ARMC9: variants seen among roughly 807,000 people sequenced by gnomAD.
ARMC9 encodes armadillo repeat containing 9.
A neutral mutation model predicts 107.0 loss-of-function variants in ARMC9; 94 were observed. The observed-to-expected ratio is 0.88, with a 90% CI of 0.74 to 1.04. ARMC9 has a LOEUF of 1.04. ARMC9 is among the 50% of genes least tolerant of loss of function. ARMC9 has a pLI of 0.00. For missense variants in ARMC9, 942 were observed against 1,030.1 expected (o/e 0.91, Z 1.17); for synonymous variants, 380 against 396.9 (o/e 0.96, Z 0.51).
chr2:231,369,959 TGCATCA>T lies in ARMC9; in HGVS notation c.2271_2276del (p.Ser758_Ala759del), dbSNP rs2125600430. 1 of 1,513,114 alleles carries T rather than the reference TGCATCA, an allele frequency of 6.6e-7. No homozygotes were observed. The highest frequency in any genetic ancestry group is 2.1e-5 in the Admixed American group (1 of 48,436). 93.7% of individuals were successfully genotyped at this position (1,513,114 alleles called of 1,614,324 possible). ...GTTGCACGTTTTGTTCTAGGGAATG[TGCATCA>T]GCCTTCACCTGCAAGCCCCGGGCCC... On this transcript the variant is annotated inframe_deletion, in exon 24 of 25. Transcript: ENST00000611582.
intron 20 of ARMC9, among the ~76,000 whole-genome samples, chr2:231,342,632 G>A (rs2044584839): frequency 6.6e-6 from 1 of 152,092 alleles, no homozygotes; most frequent in South Asian, 2.1e-4. Flanking sequence ...ATGAGAGCGT[G>A]TAAAGCCGAC....
rs2031967865 is a variant in ARMC9, at chr2:231,206,232, G to C, written c.-7G>C. ...CTGTGAGAATTAATTACCAGTAACA[G>C]TTCAATATGGGGGACATTCTGGCTC... On this transcript the variant is annotated 5_prime_UTR_variant, in exon 2 of 25. Transcript: ENST00000611582. 6.2e-7 allele frequency: 1 copy of C among 1,613,008 alleles called. No individual in the cohort carries two copies. The highest frequency in any genetic ancestry group is 8.5e-7 in the Non-Finnish European group (1 of 1,179,212).
intron 6 of ARMC9, among the ~76,000 whole-genome samples, chr2:231,225,114 T>C (rs149081644): frequency 6.6e-6 from 1 of 152,360 alleles, no homozygotes; most frequent in African/African-American, 2.4e-5. Context: ...ATATTCCTTA[T>C]AGAAAATTTG....
intron 19 of ARMC9, among the ~76,000 whole-genome samples, chr2:231,314,059 A>G (rs1271748490): frequency 7.1e-6 from 1 of 141,028 alleles, no homozygotes; most frequent in Non-Finnish European, 1.5e-5. Context: ...CACACCAGCC[A>G]TCTTTTCTTT....
rs1195285489 is a variant in ARMC9, at chr2:231,237,188, G to GTC, written c.780+1808_780+1809insCT. ...TCTCTGCGTATGCGTGTGTGTGTGT[G>GTC]TGTGTGTGTGTGTGTGTGTACACAC... On this transcript the variant is annotated intron_variant, in intron 8 of 24. Coordinates refer to ENST00000611582, the MANE Select transcript of ARMC9 (RefSeq NM_001352754.2). Among the ~76,000 whole-genome samples, 804 of 152,136 alleles carry GTC rather than the reference G, an allele frequency of 5.3e-3. 12 individuals are homozygous for GTC. The highest frequency in any genetic ancestry group is 0.019 in the African/African-American group (771 of 41,520).
At chr2:231,340,732 C>CA (rs1226835929) in intron 20 of ARMC9, among the ~76,000 whole-genome samples, 1 of 151,914 alleles carries the variant, frequency 6.6e-6, no homozygotes, top group African/African-American at 2.4e-5. Flanking sequence ...ACTAAAAACA[C>CA]AAAAAATTAG....
intron 8 of ARMC9, among the ~76,000 whole-genome samples, chr2:231,238,916 C>G (rs1372146964): frequency 3.3e-5 from 5 of 152,212 alleles, no homozygotes; most frequent in Admixed American, 6.5e-5. Context: ...CCCTTTCCAG[C>G]TCCCCAGGGG....
chr2:231,366,146 T>C (rs2045807744), intron 23 of ARMC9, among the ~76,000 whole-genome samples: 1 of 151,452 alleles, frequency 6.6e-6, no homozygotes, highest in Non-Finnish European at 1.5e-5. Context: ...GGCTGGAGAG[T>C]CAGGGGAGAG....
chr2:231,203,680 C>G (rs2125301258), intron 1 of ARMC9, among the ~76,000 whole-genome samples: 1 of 152,266 alleles, frequency 6.6e-6, no homozygotes, highest in East Asian at 1.9e-4. Context: ...AAAACCAAGG[C>G]TGGGCGTGGT....
At chr2:231,219,482 T>C (rs903925020) in intron 5 of ARMC9, among the ~76,000 whole-genome samples, 1 of 152,248 alleles carries the variant, frequency 6.6e-6, no homozygotes, top group Non-Finnish European at 1.5e-5. Context: ...ATTGCATCAT[T>C]TCCTAGCTCG....
intron 19 of ARMC9, among the ~76,000 whole-genome samples, chr2:231,321,112 C>G (rs1049903279): frequency 2.0e-5 from 3 of 152,238 alleles, no homozygotes; most frequent in African/African-American, 7.2e-5. Flanking sequence ...CCCTTTTCAT[C>G]AGGTGCTTGT....
intron 7 of ARMC9, among the ~76,000 whole-genome samples, chr2:231,232,614 G>A (rs2035338267): frequency 6.6e-6 from 1 of 151,796 alleles, no homozygotes; most frequent in Non-Finnish European, 1.5e-5. Context: ...ACCACACCTG[G>A]CTAATTTTAT....
intron 23 of ARMC9, among the ~76,000 whole-genome samples, chr2:231,367,979 A>C (rs1229104849): frequency 7.1e-6 from 1 of 141,578 alleles, no homozygotes; most frequent in East Asian, 2.0e-4. Flanking sequence ...ACTCCATTTC[A>C]AAAAAAAAAA....
chr2:231,238,332 C>T (rs1165635424), intron 8 of ARMC9, among the ~76,000 whole-genome samples: 2 of 152,080 alleles, frequency 1.3e-5, no homozygotes, highest in East Asian at 1.9e-4. Context: ...GTTAAAAATA[C>T]AAGATGAAAA....
intron 23 of ARMC9, among the ~76,000 whole-genome samples, chr2:231,363,159 G>T (rs946513908): frequency 4.6e-5 from 7 of 152,256 alleles, no homozygotes; most frequent in African/African-American, 1.7e-4. Context: ...AGTGCCAGGA[G>T]TGCAGGGCAT....
intron 19 of ARMC9, among the ~76,000 whole-genome samples, chr2:231,324,145 T>TG (rs1202130962): frequency 6.9e-5 from 10 of 144,826 alleles, no homozygotes; most frequent in African/African-American, 2.5e-4. Context: ...TTTTTTTTTT[T>TG]GTGATGTAGT....
chr2:231,325,278 G>A (rs139623868), intron 19 of ARMC9, among the ~76,000 whole-genome samples: 8 of 152,244 alleles, frequency 5.3e-5, no homozygotes, highest in African/African-American at 1.7e-4. Context: ...ACTTTAACTT[G>A]TGATTGAGAT....
At chr2:231,291,122 C>CA (rs1174452758) in intron 17 of ARMC9, among the ~76,000 whole-genome samples, 8 of 152,254 alleles carry the variant, frequency 5.3e-5, no homozygotes, top group Non-Finnish European at 8.8e-5. Flanking sequence ...TTTGTCTTGC[C>CA]AAAGAGATAG....
At position 231,276,003 on chromosome 2, in the gene ARMC9, CT is replaced by C. The variant is rs764133650; in HGVS notation, c.1335-632del. ...TTGTCAAAGAAGTATTTCTATGGTC[CT>C]GTTTCCTGGGTTAAGTAAACCAAAA... On this transcript the variant is annotated intron_variant, in intron 14 of 24. Coordinates refer to ENST00000611582, the MANE Select transcript of ARMC9 (RefSeq NM_001352754.2). Among the ~76,000 whole-genome samples the C allele has an allele frequency of 4.4e-4, 67 of 152,260 alleles. 2 individuals are homozygous for C. Among genetic ancestry groups the C allele is most frequent in the Admixed American group, 1.3e-4 (2 of 15,286 alleles).
Sources: gnomAD v4.1 joint callset for allele counts (sites outside exome capture counted in the v4.1 genomes callset) on GRCh38, gnomAD v4.1.1 for gene constraint, MANE v1.5 for transcripts, NCBI Gene and HGNC (gene_info 2026-07-23, HGNC 2026-07-21) for gene names.